Variants in SLC2A9 observed in about 807,000 individuals in gnomAD.
The protein encoded by SLC2A9 is solute carrier family 2 member 9, also known as solute carrier family 2, facilitated glucose transporter member 9.
Under a neutral mutation model 50.6 loss-of-function variants are expected in SLC2A9, and 39 were observed. The observed-to-expected ratio is 0.77, with a 90% confidence interval of 0.60 to 1.01. SLC2A9 has a LOEUF of 1.01. Ranked by LOEUF, SLC2A9 falls within the 50% of genes least tolerant of loss-of-function variation. The pLI is 0.00. For missense variants in SLC2A9, 686 were observed against 677.6 expected (o/e 1.01, Z -0.14); for synonymous variants, 324 against 276.9 (o/e 1.17, Z -1.69).
chr4:9,997,438 A>T (rs955195902), intron 2 of SLC2A9, among the ~76,000 whole-genome samples: 3 of 152,278 alleles, frequency 2.0e-5, no homozygotes, highest in Non-Finnish European at 4.4e-5. Context: ...AGAGGCCCAC[A>T]CCTGTAATCC....
intron 10 of SLC2A9, among the ~76,000 whole-genome samples, chr4:9,840,434 T>G (rs1727857074): frequency 6.6e-6 from 1 of 152,230 alleles, no homozygotes. Flanking sequence ...TATTTTTATT[T>G]TGTTTTTAAG....
intron 10 of SLC2A9, among the ~76,000 whole-genome samples, chr4:9,850,829 C>A (rs1469816616): frequency 1.3e-5 from 2 of 152,130 alleles, no homozygotes; most frequent in East Asian, 1.9e-4. Flanking sequence ...CATGTGCGTA[C>A]CCTGCTGTGC....
At chr4:10,029,051 C>T (rs1763844868) in intron 1 of SLC2A9, 1 of 152,310 alleles carries the variant, frequency 6.6e-6, no homozygotes, top group South Asian at 2.1e-4. Flanking sequence ...CCCTTCCAGT[C>T]ATCCAAGTCC....
chr4:9,998,496 T>C (rs1012131871), intron 2 of SLC2A9, among the ~76,000 whole-genome samples: 6 of 152,088 alleles, frequency 3.9e-5, no homozygotes, highest in African/African-American at 1.2e-4. Flanking sequence ...AGACTAAAAA[T>C]TAAAAGATCT....
At chr4:9,783,191 A>G in intron 3 of SLC2A9, 1 of 1,614,184 alleles carries the variant, frequency 6.2e-7, no homozygotes, top group Non-Finnish European at 8.5e-7. Flanking sequence ...GGAGACGGTG[A>G]ACATCAGCAA....
chr4:9,884,080 G>C (rs1735727200), intron 10 of SLC2A9, among the ~76,000 whole-genome samples: 1 of 152,198 alleles, frequency 6.6e-6, no homozygotes, highest in African/African-American at 2.4e-5. Context: ...TCATCTACCT[G>C]GGACACTAGC....
intron 3 of SLC2A9, chr4:9,782,057 G>A: frequency 1.3e-6 from 2 of 1,485,544 alleles, no homozygotes; most frequent in Non-Finnish European, 8.9e-7. Context: ...CAACGGCACC[G>A]CGTACCCGGG....
chr4:9,994,627 A>C (rs1758309364), intron 3 of SLC2A9, among the ~76,000 whole-genome samples: 1 of 130,748 alleles, frequency 7.6e-6, no homozygotes, highest in Non-Finnish European at 1.6e-5. Context: ...CATTGCCCTC[A>C]TTTTATAGGT....
intron 3 of SLC2A9, among the ~76,000 whole-genome samples, chr4:9,809,428 A>C (rs980214378): frequency 7.2e-5 from 11 of 152,226 alleles, no homozygotes; most frequent in African/African-American, 2.7e-4. Flanking sequence ...CCATTCAAAC[A>C]GAAATACTCT....
intron 10 of SLC2A9, among the ~76,000 whole-genome samples, chr4:9,844,193 CCTTT>C (rs1560181759): frequency 6.9e-6 from 1 of 144,716 alleles, no homozygotes; most frequent in African/African-American, 2.5e-5. Context: ...CCTTCTGACT[CCTTT>C]CTTTACAGAA....
At chr4:9,887,421 G>A in intron 10 of SLC2A9, 146 bp downstream of exon 10, 2 of 742,476 alleles carry the variant, frequency 2.7e-6, no homozygotes, top group South Asian at 2.0e-5. Context: ...TTTAAATTGG[G>A]CCAAAAGAAA....
chr4:9,813,353 T>A (rs540767154), intron 3 of SLC2A9, among the ~76,000 whole-genome samples: 1 of 152,228 alleles, frequency 6.6e-6, no homozygotes, highest in East Asian at 1.9e-4. Flanking sequence ...ATTTACTTGT[T>A]CACTCCCATG....
intron 10 of SLC2A9, among the ~76,000 whole-genome samples, chr4:9,881,609 C>T (rs35512765): frequency 0.46 from 69,428 of 152,034 alleles, 18,936 homozygotes; most frequent in Non-Finnish European, 0.62. Flanking sequence ...TTTCTTTCCC[C>T]CTTTTAAAAT....
intron 5 of SLC2A9, among the ~76,000 whole-genome samples, chr4:9,973,896 C>T (rs1405097473): frequency 6.6e-6 from 1 of 151,578 alleles, no homozygotes; most frequent in African/African-American, 2.4e-5. Flanking sequence ...AACCAATATC[C>T]CTGATGAACA....
rs1030647979 is a variant in SLC2A9, at chr4:9,878,990, A to G, written c.1291+8577T>C. 1.4e-5 allele frequency: 14 copies of G among 966,096 alleles called. No homozygotes were observed. In the African/African-American group the frequency reaches 2.1e-4, roughly 15 times the overall value. The allele number at this position is 966,096 out of a possible 1,614,324, so 59.8% of individuals were successfully genotyped here. The stretch of plus-strand genomic sequence containing the variant: ...TAGAAAACACCACACACCACACAGT[A>G]GGAACTTAATGAGTATGTTTTGAAT... On this transcript the variant is annotated intron_variant, in intron 10 of 11. Transcript: ENST00000264784.
chr4:9,897,782 C>G (rs778689688), intron 8 of SLC2A9, among the ~76,000 whole-genome samples: 1 of 152,066 alleles, frequency 6.6e-6, no homozygotes, highest in East Asian at 1.9e-4. Flanking sequence ...CGCAGCTACA[C>G]GGGAGGCTGA....
In SLC2A9 at chr4:10,021,268, G is replaced by C; in HGVS notation, c.150+12C>G. On this transcript the variant is annotated intron_variant, in intron 1 of 11. Coordinates refer to ENST00000264784, the MANE Select transcript of SLC2A9 (RefSeq NM_020041.3). ...AGCCCGCCAGCCATGCAGAAAAGCT[G>C]TCCGTAGTTACCTTTCTTCTCCTTC... The C allele has an allele frequency of 6.2e-7, 1 of 1,612,808 alleles. No individual in the cohort carries two copies. Among genetic ancestry groups the C allele is most frequent in the Non-Finnish European group, 8.5e-7 (1 of 1,179,834 alleles).
At chr4:9,921,044 A>G (rs956464215) in intron 6 of SLC2A9, among the ~76,000 whole-genome samples, 9 of 152,262 alleles carry the variant, frequency 5.9e-5, no homozygotes, top group African/African-American at 2.2e-4. Context: ...CTGGCTCATG[A>G]GTTCATCCTC....
chr4:10,034,592 C>A (rs1764039369), intron 1 of SLC2A9: 1 of 152,374 alleles, frequency 6.6e-6, no homozygotes, highest in Non-Finnish European at 1.5e-5. Context: ...GAGTTCTGAT[C>A]CTGCCTCTTC....
Sources: gnomAD v4.1 joint callset for allele counts (sites outside exome capture counted in the v4.1 genomes callset) on GRCh38, gnomAD v4.1.1 for gene constraint, MANE v1.5 for transcripts, NCBI Gene and HGNC (gene_info 2026-07-23, HGNC 2026-07-21) for gene names.